Variants in BCAS3 observed in about 807,000 individuals in gnomAD.
BCAS3 encodes BCAS4/BCAS3 fusion.
BCAS3 carries 53 observed loss-of-function variants against 116.1 expected under a neutral mutation model. The observed-to-expected ratio is 0.46, with a 90% confidence interval of 0.37 to 0.57. BCAS3 has a LOEUF of 0.57. BCAS3 is among the 20% of genes least tolerant of loss of function. BCAS3 has a pLI of 0.00. For missense variants in BCAS3, 917 were observed against 1,165.4 expected, an observed-to-expected ratio of 0.79 and a Z score of 3.10; for synonymous variants, 391 against 408.2, an observed-to-expected ratio of 0.96 and a Z score of 0.51.
Position 61,214,854 on chromosome 17 carries a change from A to G in BCAS3, c.2425+130290A>G, listed in dbSNP as rs1187164866. 6.6e-6 allele frequency among the ~76,000 whole-genome samples: 1 copy of G among 152,206 alleles called. No homozygotes were observed. Among genetic ancestry groups the G allele is most frequent in the African/African-American group, 2.4e-5 (1 of 41,454 alleles). On this transcript the variant is annotated intron_variant, in intron 22 of 23. Coordinates refer to ENST00000407086, the MANE Select transcript of BCAS3 (RefSeq NM_017679.5). This position sits in a 1 kb window ranked among gnomAD's most constrained non-coding sequence, Gnocchi z 4.4. Reference sequence around the variant, plus strand: ...AAGAGTATGTTCTAGCTAAGGGTGTACTATAAAGGTGGTAACCAGTAGCTA... The same window carrying G: ...AAGAGTATGTTCTAGCTAAGGGTGTGCTATAAAGGTGGTAACCAGTAGCTA...
intron 13 of BCAS3, among the ~76,000 whole-genome samples, chr17:60,934,502 A>G (rs1365501302): frequency 1.3e-5 from 2 of 152,246 alleles, no homozygotes; most frequent in Non-Finnish European, 2.9e-5. Context: ...AAGGATCTGT[A>G]TAGTCAGGTA....
At chr17:60,725,561 G>A (rs113633726) in intron 5 of BCAS3, among the ~76,000 whole-genome samples, 5,616 of 152,162 alleles carry the variant, frequency 0.037, 322 homozygotes, top group African/African-American at 0.12. Flanking sequence ...AGTGGTTCCC[G>A]ACCAGGAGTG....
chr17:61,071,012 G>T (rs952052124), intron 19 of BCAS3, among the ~76,000 whole-genome samples: 3 of 152,096 alleles, frequency 2.0e-5, no homozygotes, highest in Non-Finnish European at 4.4e-5. Context: ...TTTTAGATCT[G>T]TCCCTTTAAC....
In BCAS3 at chr17:61,078,399, A is replaced by ACCAT; in HGVS notation, c.2204_2207dup (p.Gly738LeufsTer21). On this transcript the variant is annotated frameshift_variant, in exon 21 of 24. Coordinates refer to ENST00000407086, the MANE Select transcript of BCAS3 (RefSeq NM_017679.5). LOFTEE classifies it high-confidence loss of function. Reference sequence around the variant, plus strand: ...GATGGGTCCACAGTTCCAGTTCAAAACCATCCATCCCTCAGGCCAAACCAC... The same window carrying ACCAT: ...GATGGGTCCACAGTTCCAGTTCAAAACCATCCATCCATCCCTCAGGCCAAACCAC... 1 of 1,614,116 alleles carries ACCAT rather than the reference A, an allele frequency of 6.2e-7. No individual in the cohort carries two copies. Among genetic ancestry groups the ACCAT allele is most frequent in the Non-Finnish European group, 8.5e-7 (1 of 1,180,012 alleles).
At chr17:60,943,145 CAAAT>C (rs1381893071) in intron 13 of BCAS3, among the ~76,000 whole-genome samples, 13 of 151,404 alleles carry the variant, frequency 8.6e-5, no homozygotes, top group Non-Finnish European at 1.6e-4. Context: ...TTGAATATTC[CAAAT>C]AAATAGTCCC....
intron 14 of BCAS3, among the ~76,000 whole-genome samples, chr17:60,951,808 C>A (rs1433421171): frequency 2.4e-5 from 3 of 123,900 alleles, no homozygotes; most frequent in Non-Finnish European, 4.8e-5. Context: ...GAGTCTCTAT[C>A]GCTCAGGCTG....
chr17:60,736,304 A>G (rs2040950610), intron 5 of BCAS3, among the ~76,000 whole-genome samples: 1 of 151,188 alleles, frequency 6.6e-6, no homozygotes. Flanking sequence ...GTTTTCTTGT[A>G]ATGTCTTTTT....
At position 61,138,891 on chromosome 17, in the gene BCAS3, A is replaced by C. The variant is rs559707014; in HGVS notation, c.2425+54327A>C. 5.3e-4 allele frequency among the ~76,000 whole-genome samples: 80 copies of C among 152,324 alleles called. 1 individual carries two copies. Among genetic ancestry groups the C allele is most frequent in the African/African-American group, 1.9e-3 (78 of 41,576 alleles). On this transcript the variant is annotated intron_variant, in intron 22 of 23. Transcript: ENST00000407086. ...CATACCCATAAGATTTGAATGGTGA[A>C]GATAAGAAAATTATAATAAGTTGAT...
chr17:60,951,826 A>C (rs1017817437), intron 14 of BCAS3, among the ~76,000 whole-genome samples: 2 of 136,646 alleles, frequency 1.5e-5, no homozygotes, highest in Non-Finnish European at 3.0e-5. Flanking sequence ...CTGGAGTGCA[A>C]TGGCACAATC....
intron 5 of BCAS3, among the ~76,000 whole-genome samples, chr17:60,717,209 T>C (rs1169694042): frequency 6.6e-6 from 1 of 150,460 alleles, no homozygotes; most frequent in African/African-American, 2.5e-5. Flanking sequence ...TTTCTTCTTC[T>C]TCTTCTTCTT....
In BCAS3 at chr17:61,233,204, A is replaced by AG. The variant is rs1206525754; in HGVS notation, c.2426-135121dup. On this transcript the variant is annotated intron_variant, in intron 22 of 23. Transcript: ENST00000407086. The surrounding 1 kb of genome is among the most constrained non-coding windows in gnomAD (Gnocchi z 4.3). ...CACTCTTTGAGGGATAATGGAAAGG[A>AG]GGTGATAAAGATTAGAGCTGATTGG... 3.9e-5 allele frequency among the ~76,000 whole-genome samples: 6 copies of AG among 152,196 alleles called. No homozygotes were observed. Among genetic ancestry groups the AG allele is most frequent in the African/African-American group, 1.4e-4 (6 of 41,436 alleles).
rs371178241 is a variant in BCAS3, at chr17:61,285,231, T to TTGTGTG, written c.2426-83074_2426-83069dup. Among the ~76,000 whole-genome samples the TTGTGTG allele has an allele frequency of 0.043, 6,085 of 140,062 alleles. 151 individuals carry two copies. The highest frequency in any genetic ancestry group is 0.049 in the Non-Finnish European group (3,253 of 66,716). The allele number at this position is 140,062 out of a possible 152,430, so 91.9% of individuals were successfully genotyped here. ...GTTTTGCTTTTCCCCTCCTCCTAGG[T>TTGTGTG]TGTGTGTGTGTGTGTGTGTGTGTGT... On this transcript the variant is annotated intron_variant, in intron 22 of 23. Transcript: ENST00000407086. This position sits in a 1 kb window ranked among gnomAD's most constrained non-coding sequence, Gnocchi z 5.4.
chr17:60,904,746 T>C (rs554122870), intron 11 of BCAS3, among the ~76,000 whole-genome samples: 138 of 152,288 alleles, frequency 9.1e-4, no homozygotes, highest in African/African-American at 3.1e-3. Flanking sequence ...GGTGGGAAGA[T>C]TGCTTGAGCA....
In BCAS3 at chr17:61,220,123, G is replaced by A. The variant is rs759561502; in HGVS notation, c.2425+135559G>A. On this transcript the variant is annotated intron_variant, in intron 22 of 23. Coordinates refer to ENST00000407086, the MANE Select transcript of BCAS3 (RefSeq NM_017679.5). The surrounding 1 kb of genome is among the most constrained non-coding windows in gnomAD (Gnocchi z 4.5). ...AGCCTGGCCAATACAGTGAAATCAC[G>A]TCTCTACTAATAATACAAAAATTAG... is the stretch of plus-strand genomic sequence containing the variant. 3.4e-4 allele frequency among the ~76,000 whole-genome samples: 51 copies of A among 151,938 alleles called. No individual in the cohort carries two copies. Among genetic ancestry groups the A allele is most frequent in the Non-Finnish European group, 7.1e-4 (48 of 68,000 alleles).
Position 61,134,951 on chromosome 17 carries a change from C to T in BCAS3, c.2425+50387C>T, listed in dbSNP as rs16944865. Among the ~76,000 whole-genome samples, 15,162 of 151,986 alleles carry T rather than the reference C, an allele frequency of 0.1. 2,284 individuals carry two copies. Among genetic ancestry groups the T allele is most frequent in the African/African-American group, 0.33 (13,608 of 41,412 alleles). ...TCAGTAAAAGTGATATACAGTATTT[C>T]TTCAAAACTGGAATGTTATTAGAGT... On this transcript the variant is annotated intron_variant, in intron 22 of 23. Transcript: ENST00000407086. The surrounding 1 kb of genome is among the most constrained non-coding windows in gnomAD (Gnocchi z 4.6).
Position 60,960,875 on chromosome 17 carries a change from G to A in BCAS3, c.1221+13523G>A, listed in dbSNP as rs899753182. On this transcript the variant is annotated intron_variant, in intron 14 of 23. Coordinates refer to ENST00000407086, the MANE Select transcript of BCAS3 (RefSeq NM_017679.5). This position sits in a 1 kb window ranked among gnomAD's most constrained non-coding sequence, Gnocchi z 4.1. ...TTCTCAAAAACCTTGTGTATCTCCTGTGTATGTCATGGGGATCCATGCCAT... is the reference window on the plus strand; with the variant it reads ...TTCTCAAAAACCTTGTGTATCTCCTATGTATGTCATGGGGATCCATGCCAT... 1.1e-4 allele frequency among the ~76,000 whole-genome samples: 16 copies of A among 151,244 alleles called. No homozygotes were observed. Among genetic ancestry groups the A allele is most frequent in the South Asian group, 2.1e-4 (1 of 4,796 alleles).
intron 7 of BCAS3, among the ~76,000 whole-genome samples, chr17:60,824,075 G>A (rs2050179606): frequency 6.6e-6 from 1 of 152,070 alleles, no homozygotes; most frequent in Admixed American, 6.6e-5. Flanking sequence ...TTATGTGTTA[G>A]TATTCAATTC....
chr17:61,091,096 A>G (rs1168417699), intron 22 of BCAS3, among the ~76,000 whole-genome samples: 4 of 152,240 alleles, frequency 2.6e-5, no homozygotes, highest in Non-Finnish European at 5.9e-5. Context: ...AGAAGAAGCT[A>G]TTGGGAAAGT....
chr17:60,806,879 GCTT>G (rs1250361626), intron 6 of BCAS3, among the ~76,000 whole-genome samples: 1 of 151,738 alleles, frequency 6.6e-6, no homozygotes, highest in Non-Finnish European at 1.5e-5. Flanking sequence ...TACTTTTTTT[GCTT>G]CTTGTTCATA....
Sources: allele counts gnomAD v4.1 joint callset (sites outside exome capture counted in the v4.1 genomes callset), GRCh38; gene constraint gnomAD v4.1.1; non-coding constraint Gnocchi (gnomAD v3.1); transcripts MANE v1.5; gene names NCBI Gene and HGNC (gene_info 2026-07-23, HGNC 2026-07-21).